TMEM248: variants seen among roughly 807,000 people sequenced by gnomAD.
The protein encoded by TMEM248 is UPF0458 protein C7orf42.
Under a neutral mutation model 30.3 loss-of-function variants are expected in TMEM248, and 9 were observed. That is an observed-to-expected ratio of 0.30 (90% CI 0.18 to 0.52). TMEM248 has a LOEUF of 0.52. TMEM248 is among the 20% of genes least tolerant of loss of function. TMEM248 has a pLI of 0.97. For missense variants in TMEM248, 338 were observed against 403.3 expected (o/e 0.84, Z 1.39); for synonymous variants, 184 against 154.4 (o/e 1.19, Z -1.42).
intron 1 of TMEM248, 112 bp from the exon 2 acceptor site, chr7:66,941,736 A>G: frequency 1.3e-6 from 1 of 772,382 alleles, no homozygotes; most frequent in East Asian, 2.7e-5. Flanking sequence ...AAATTCAGTA[A>G]TGAGTGCCCA....
chr7:66,949,423 G>A (rs1350161619), intron 4 of TMEM248, among the ~76,000 whole-genome samples: 5 of 152,080 alleles, frequency 3.3e-5, no homozygotes, highest in African/African-American at 1.2e-4. Context: ...AGCTGAGATC[G>A]CGCCACTGCA....
At chr7:66,937,662 G>A (rs1173198546) in intron 1 of TMEM248, among the ~76,000 whole-genome samples, 1 of 152,104 alleles carries the variant, frequency 6.6e-6, no homozygotes, top group Non-Finnish European at 1.5e-5. Context: ...AGCTACTTCT[G>A]CTCTGCGCTT....
chr7:66,945,977 G>A (rs751237097), intron 3 of TMEM248, among the ~76,000 whole-genome samples: 1 of 151,558 alleles, frequency 6.6e-6, no homozygotes, highest in Non-Finnish European at 1.5e-5. Flanking sequence ...CCAGCTACTC[G>A]GGTGGCTGAG....
At chr7:66,950,512 AC>A (rs1792232908) in intron 4 of TMEM248, among the ~76,000 whole-genome samples, 1 of 152,206 alleles carries the variant, frequency 6.6e-6, no homozygotes, top group African/African-American at 2.4e-5. Context: ...GGCTTCCCTG[AC>A]CATGCTGAAC....
At chr7:66,927,580 A>G (rs1445233145) in intron 1 of TMEM248, among the ~76,000 whole-genome samples, 6 of 149,546 alleles carry the variant, frequency 4.0e-5, no homozygotes, top group Non-Finnish European at 1.5e-5. Flanking sequence ...AGCTGGGACT[A>G]TAGGTGAAAC....
intron 1 of TMEM248, among the ~76,000 whole-genome samples, chr7:66,924,444 G>A (rs764871378): frequency 4.6e-5 from 7 of 152,146 alleles, no homozygotes; most frequent in African/African-American, 1.2e-4. Flanking sequence ...TTGCTCTGTC[G>A]TCCAGGCTAG....
At chr7:66,955,249 C>T (rs529772669) in intron 6 of TMEM248, among the ~76,000 whole-genome samples, 3 of 152,296 alleles carry the variant, frequency 2.0e-5, no homozygotes, top group East Asian at 1.9e-4. Flanking sequence ...GACAACAGAG[C>T]GAGACCGTGT....
At chr7:66,945,943 G>T (rs1233453563) in intron 3 of TMEM248, among the ~76,000 whole-genome samples, 1 of 152,182 alleles carries the variant, frequency 6.6e-6, no homozygotes, top group Non-Finnish European at 1.5e-5. Flanking sequence ...AATTAGCCGG[G>T]CGTGGTGGCA....
chr7:66,929,552 T>A (rs540348879), intron 1 of TMEM248, among the ~76,000 whole-genome samples: 33 of 150,516 alleles, frequency 2.2e-4, no homozygotes, highest in Non-Finnish European at 4.4e-4. Context: ...TTCTCCTGTC[T>A]CAGCTTCCTG....
At chr7:66,924,882 T>TGA (rs1174349606) in intron 1 of TMEM248, among the ~76,000 whole-genome samples, 1 of 151,820 alleles carries the variant, frequency 6.6e-6, no homozygotes, top group Admixed American at 6.6e-5. Flanking sequence ...GCTAATTTTT[T>TGA]TGTATTTTAG....
intron 1 of TMEM248, among the ~76,000 whole-genome samples, chr7:66,935,469 C>T (rs1482653300): frequency 6.6e-6 from 1 of 152,164 alleles, no homozygotes; most frequent in Non-Finnish European, 1.5e-5. Context: ...AGGCGTGAGC[C>T]ACTGCGTCTG....
intron 1 of TMEM248, among the ~76,000 whole-genome samples, chr7:66,927,033 C>G (rs1384226374): frequency 6.6e-6 from 1 of 152,148 alleles, no homozygotes; most frequent in Non-Finnish European, 1.5e-5. Flanking sequence ...TGGCATCCCT[C>G]ATGACTTGTT....
rs1792429692 is a variant in TMEM248 at position 66,957,358 on chromosome 7, T to C, written c.*1836T>C. Reference sequence around the variant, plus strand: ...AAGATTGTTAAAATAATCACCATAGTAACTTGATATGTTAGTATTTTTCTT... The same window carrying C: ...AAGATTGTTAAAATAATCACCATAGCAACTTGATATGTTAGTATTTTTCTT... On this transcript the variant is annotated 3_prime_UTR_variant, in exon 7 of 7. Transcript: ENST00000341567. The C allele has an allele frequency of 6.6e-6, 1 of 152,264 alleles. No homozygotes were observed. Among genetic ancestry groups the C allele is most frequent in the African/African-American group, 2.4e-5 (1 of 41,470 alleles). The allele number at this position is 152,264 out of a possible 1,614,324, so 9.4% of individuals were successfully genotyped here.
intron 4 of TMEM248, among the ~76,000 whole-genome samples, chr7:66,949,835 C>G (rs1351964389): frequency 6.6e-6 from 1 of 151,584 alleles, no homozygotes; most frequent in African/African-American, 2.4e-5. Context: ...TTTGGTCTCT[C>G]CTGTCTCTAT....
rs1488501612 is a variant in TMEM248, at chr7:66,957,432, T to C, written c.*1910T>C. The C allele has an allele frequency of 6.6e-6, 1 of 152,202 alleles. No homozygotes were observed. The highest frequency in any genetic ancestry group is 1.5e-5 in the Non-Finnish European group (1 of 68,034). The allele number at this position is 152,202 out of a possible 1,614,324, so 9.4% of individuals were successfully genotyped here. A position where few individuals can be genotyped will look rare whatever the true frequency, so the allele number is the denominator to read the frequency against. On this transcript the variant is annotated 3_prime_UTR_variant, in exon 7 of 7. Transcript: ENST00000341567. ...GCAGTAATCGTACTTGTCTATCCAG[T>C]TTCTATGTATGATACGAGTTGCTTA...
chr7:66,932,083 C>T (rs956538867), intron 1 of TMEM248, among the ~76,000 whole-genome samples: 87 of 151,912 alleles, frequency 5.7e-4, no homozygotes, highest in African/African-American at 2.0e-3. Flanking sequence ...GGATTACAGG[C>T]GTGAGCCACT....
At chr7:66,953,798 G>T (rs1474590476) in intron 6 of TMEM248, among the ~76,000 whole-genome samples, 3 of 151,978 alleles carry the variant, frequency 2.0e-5, no homozygotes, top group African/African-American at 7.3e-5. Context: ...TAGAGACCGG[G>T]TCTCACCATG....
chr7:66,948,432 C>A, intron 3 of TMEM248, 112 bp from the exon 4 acceptor site: 1 of 1,313,554 alleles, frequency 7.6e-7, no homozygotes, highest in Middle Eastern at 2.1e-4. Flanking sequence ...AGGCAGGTGC[C>A]TGGGCTGATA....
At chr7:66,947,097 C>G (rs994931296) in intron 3 of TMEM248, among the ~76,000 whole-genome samples, 10 of 151,736 alleles carry the variant, frequency 6.6e-5, no homozygotes, top group African/African-American at 2.4e-4. Flanking sequence ...CACCTGTAGT[C>G]CCAGCTACTT....
Sources: allele counts gnomAD v4.1 joint callset (sites outside exome capture counted in the v4.1 genomes callset), GRCh38; gene constraint gnomAD v4.1.1; transcripts MANE v1.5; gene names NCBI Gene and HGNC (gene_info 2026-07-23, HGNC 2026-07-21).